TEX14: variants seen among roughly 807,000 people sequenced by gnomAD.
TEX14 encodes testis expressed 14, intercellular bridge forming factor, also known as inactive serine/threonine-protein kinase TEX14.
A neutral mutation model predicts 178.6 loss-of-function variants in TEX14; 168 were observed. The observed-to-expected ratio is 0.94, with a 90% CI of 0.83 to 1.07. TEX14 has a LOEUF of 1.07. Ranked by LOEUF, TEX14 falls within the 50% of genes least tolerant of loss-of-function variation. The probability of loss-of-function intolerance (pLI) is 0.00; values close to 1 mark genes in which losing one functional copy is unlikely to be tolerated. For synonymous variants in TEX14, 626 were observed against 634.1 expected, an observed-to-expected ratio of 0.99 and a Z score of 0.19; for missense variants, 1,730 against 1,753.6, an observed-to-expected ratio of 0.99 and a Z score of 0.24.
Position 58,573,233 on chromosome 17 carries a change from T to G in TEX14, c.3459A>C (p.Lys1153Asn). Reference protein sequence around the residue: ...PDSSFKEASCKTPKINHAPTS... With the variant: ...PDSSFKEASCNTPKINHAPTS... ...TAGGTGCATGGTTTATTTTGGGTGT[T>G]TTGCATGAAGCTTCCTTAAAAGAGC... The change falls in exon 23 of 32, where the codon AAA becomes AAC. Residue 1153 changes from lysine to asparagine, a missense_variant. Lys to Asn is a moderately conservative substitution (Grantham distance 94). This residue lies in a region of TEX14 where 941 missense variants were observed against 1,072.4 expected (regional missense o/e 0.88). Transcript: ENST00000349033. 2 of 1,614,164 alleles carry G rather than the reference T, an allele frequency of 1.2e-6. No homozygotes were observed.
At chr17:58,601,679 G>T in intron 13 of TEX14, 127 bp downstream of exon 13, 1 of 884,598 alleles carries the variant, frequency 1.1e-6, no homozygotes, top group Non-Finnish European at 1.8e-6. Context: ...GGGCAATAGA[G>T]CTAGACTTTA....
At chr17:58,563,515 G>A (rs774350382) in intron 28 of TEX14, among the ~76,000 whole-genome samples, 1 of 150,318 alleles carries the variant, frequency 6.7e-6, no homozygotes, top group Non-Finnish European at 1.5e-5. Flanking sequence ...AGCCAGGCAT[G>A]GTGGCTTGCA....
chr17:58,611,433 C>T (rs1288755255), intron 9 of TEX14, 94 bp from the exon 10 acceptor site: 4 of 893,346 alleles, frequency 4.5e-6, no homozygotes, highest in Non-Finnish European at 7.0e-6. Context: ...CCATATGATC[C>T]TCATGGTTAC....
chr17:58,579,007 A>G (rs2044747335), intron 20 of TEX14, among the ~76,000 whole-genome samples: 1 of 152,254 alleles, frequency 6.6e-6, no homozygotes, highest in African/African-American at 2.4e-5. Flanking sequence ...AAAGAACAAG[A>G]GTACACAATT....
At chr17:58,615,061 T>G (rs1488710708) in intron 8 of TEX14, among the ~76,000 whole-genome samples, 171 bp downstream of exon 8, 2 of 152,214 alleles carry the variant, frequency 1.3e-5, no homozygotes, top group Non-Finnish European at 2.9e-5. Context: ...TTAACTTCTC[T>G]TCCTCTTTCC....
At position 58,563,618 on chromosome 17, in the gene TEX14, AATTTATATATAT is replaced by A. The variant is rs1365584874; in HGVS notation, c.4064+1239_4064+1250del. ...CCTGGGCAACATAAAGCCCATCTCT[AATTTATATATAT>A]ATATATATATATATATATATATATA... On this transcript the variant is annotated intron_variant, in intron 28 of 31. Coordinates refer to ENST00000349033, the MANE Select transcript of TEX14 (RefSeq NM_031272.5). Among the ~76,000 whole-genome samples the A allele has an allele frequency of 4.6e-3, 244 of 53,422 alleles. 2 individuals are homozygous for A. The highest frequency in any genetic ancestry group is 5.7e-3 in the Non-Finnish European group (180 of 31,726). The allele number at this position is 53,422 out of a possible 152,430, so 35.0% of individuals were successfully genotyped here. A position where few individuals can be genotyped will look rare whatever the true frequency, so the allele number is the denominator to read the frequency against.
In TEX14 at chr17:58,660,311, G is replaced by A. The variant is rs567512212; in HGVS notation, c.-1-8309C>T. ...AGCTACTCGGGAGGCTGAGGCAGGA[G>A]AATCTCTTGAATCCAGGAGGTGGAG... is the stretch of plus-strand genomic sequence containing the variant. On this transcript the variant is annotated intron_variant, in intron 1 of 31. Transcript: ENST00000349033. The A allele has an allele frequency of 5.7e-5, 11 of 192,410 alleles. No individual in the cohort carries two copies. The East Asian group carries it at 1.4e-3, about 24-fold the overall frequency. 11.9% of individuals were successfully genotyped at this position (192,410 alleles called of 1,614,324 possible). A position where few individuals can be genotyped will look rare whatever the true frequency, so the allele number is the denominator to read the frequency against.
intron 1 of TEX14, chr17:58,659,226 G>GCAAACACATCC: frequency 1.5e-5 from 3 of 194,542 alleles, no homozygotes; most frequent in African/African-American, 6.4e-5. Context: ...AATCGCGGGA[G>GCAAACACATCC]CAAACACATA....
chr17:58,662,141 T>C, intron 1 of TEX14, among the ~76,000 whole-genome samples: 2 of 146,478 alleles, frequency 1.4e-5, no homozygotes, highest in Admixed American at 6.8e-5. Flanking sequence ...ACGCCTGGCC[T>C]AAAACTCAGT....
chr17:58,656,766 G>GA (rs1178228695), intron 1 of TEX14, among the ~76,000 whole-genome samples: 1 of 121,792 alleles, frequency 8.2e-6, no homozygotes, highest in East Asian at 2.3e-4. Flanking sequence ...AAAAAAAAAA[G>GA]AAAAAAATTG....
intron 30 of TEX14, 24 bp from the exon 31 acceptor site, chr17:58,557,874 A>G: frequency 6.3e-7 from 1 of 1,592,144 alleles, no homozygotes; most frequent in Non-Finnish European, 8.6e-7. Context: ...AAGAGGAAGG[A>G]AAAAACAACA....
At chr17:58,570,616 CTTTTTTTT>C (rs71143252) in intron 24 of TEX14, 132 bp from the exon 25 acceptor site, 40 of 84,572 alleles carry the variant, frequency 4.7e-4, no homozygotes, top group South Asian at 2.1e-3. Context: ...GGGAAGCCTC[CTTTTTTTT>C]TTTTTTTTTT....
chr17:58,620,698 T>C (rs2045978601), intron 5 of TEX14, among the ~76,000 whole-genome samples: 1 of 152,140 alleles, frequency 6.6e-6, no homozygotes, highest in Non-Finnish European at 1.5e-5. Flanking sequence ...TTTCACCATG[T>C]TGGCCAGGCT....
At chr17:58,625,291 C>A (rs35928756) in intron 3 of TEX14, among the ~76,000 whole-genome samples, 1 of 151,844 alleles carries the variant, frequency 6.6e-6, no homozygotes, top group Non-Finnish European at 1.5e-5. Context: ...TGCCACCATG[C>A]GCTCAGGTAA....
rs201086325 is a variant in TEX14 at position 58,585,972 on chromosome 17, C to T, written c.2899G>A (p.Ala967Thr). 47 of 1,614,052 alleles carry T rather than the reference C, an allele frequency of 2.9e-5. No homozygotes were observed. The East Asian group carries it at 3.3e-4, about 11-fold the overall frequency. Reference sequence around the variant, plus strand: ...CTCCTAATGGGGGGCTGCAGCAGGGCGTCGGGCTCATTTTCAGCCTCGCTC... The same window carrying T: ...CTCCTAATGGGGGGCTGCAGCAGGGTGTCGGGCTCATTTTCAGCCTCGCTC... The part of the protein sequence containing the change: ...LESEAENEPD[A>T]LLQPPIRSPE... The change falls in exon 18 of 32, where the codon GCC becomes ACC. Residue 967 changes from alanine (A) to threonine (T), a missense_variant. By Grantham distance (58) the Ala-to-Thr change is moderately conservative (BLOSUM62 0). Around this residue, in one of 2 missense-constraint regions of TEX14, gnomAD observed 941 missense variants for 1,072.4 expected, o/e 0.88. Coordinates refer to ENST00000349033, the MANE Select transcript of TEX14 (RefSeq NM_031272.5).
chr17:58,619,796 C>CAAAAAA, intron 5 of TEX14, among the ~76,000 whole-genome samples: 1 of 73,812 alleles, frequency 1.4e-5, no homozygotes. Flanking sequence ...GACTCAGTCT[C>CAAAAAA]AAAAAAAAAA....
rs1279580198 is a variant in TEX14, at chr17:58,660,467, CT to C, written c.-1-8466del. On this transcript the variant is annotated intron_variant, in intron 1 of 31. Coordinates refer to ENST00000349033, the MANE Select transcript of TEX14 (RefSeq NM_031272.5). ...TTGAACTCAAAGCAACATTAAGCAT[CT>C]TTGCCTTCGTTTTACACAGCTGTAG... is the stretch of plus-strand genomic sequence containing the variant. 1.8e-5 allele frequency: 11 copies of C among 601,738 alleles called. No individual in the cohort carries two copies. In the African/African-American group the frequency reaches 2.0e-4, roughly 11 times the overall value. The allele number at this position is 601,738 out of a possible 1,614,324, so 37.3% of individuals were successfully genotyped here. A position where few individuals can be genotyped will look rare whatever the true frequency, so the allele number is the denominator to read the frequency against.
chr17:58,652,288 T>TCA (rs2046856069), intron 1 of TEX14, among the ~76,000 whole-genome samples: 1 of 152,176 alleles, frequency 6.6e-6, no homozygotes, highest in African/African-American at 2.4e-5. Context: ...TACCCAAATC[T>TCA]CACCTTGAAT....
Position 58,561,561 on chromosome 17 carries a change from C to T in TEX14, c.4116G>A (p.Glu1372=). ...GAAGGTCTTGTAGCTCCACGCTCTCCTCAGGTGGCTGCAGCCATCTTTCCA... is the reference window on the plus strand; with the variant it reads ...GAAGGTCTTGTAGCTCCACGCTCTCTTCAGGTGGCTGCAGCCATCTTTCCA... ...EDLERWLQPP[E]ESVELQDLPK... is the part of the protein sequence containing the mutation. The change falls in exon 29 of 32, where the codon GAG becomes GAA. Residue 1372 remains glutamate, a synonymous_variant. Transcript: ENST00000349033. 1 of 1,614,078 alleles carries T rather than the reference C, an allele frequency of 6.2e-7. No homozygotes were observed. The highest frequency in any genetic ancestry group is 8.5e-7 in the Non-Finnish European group (1 of 1,179,904).
Sources: gnomAD v4.1 joint callset for allele counts (sites outside exome capture counted in the v4.1 genomes callset) on GRCh38, gnomAD v4.1.1 for gene constraint, gnomAD v4.1.1 regional missense constraint, MANE v1.5 for transcripts, NCBI Gene and HGNC (gene_info 2026-07-23, HGNC 2026-07-21) for gene names.